TMC6: variants seen among roughly 807,000 people sequenced by gnomAD.
The protein encoded by TMC6 is transmembrane channel like 6.
In TMC6, 71 loss-of-function variants were observed where a neutral mutation model predicts 95.4. That is an observed-to-expected ratio of 0.74 (90% confidence interval 0.61 to 0.91). The LOEUF (loss-of-function observed/expected upper bound fraction) is 0.91. Ranked by LOEUF, TMC6 falls within the 40% of genes least tolerant of loss-of-function variation. TMC6 has a pLI of 0.00. For missense variants in TMC6, 1,074 were observed against 1,079.1 expected (o/e 1.00, Z 0.07); for synonymous variants, 514 against 483.1 (o/e 1.06, Z -0.84).
chr17:78,125,776 C>A lies in TMC6; in HGVS notation c.380G>T (p.Ser127Ile). ...CAGCTCCAGGTCGTACAGGCGGAGG[C>A]TGGGCCAGGCGGAGCGGACAAAGTT... is the stretch of plus-strand genomic sequence containing the variant. ...LGNFVRSAWPSLRLYDLELDP... is the reference protein window; with the variant it reads ...LGNFVRSAWPILRLYDLELDP... The change falls in exon 5 of 20, where the codon AGC becomes ATC. Residue 127 changes from serine (S) to isoleucine (I), a missense_variant. Physicochemically the swap from Ser to Ile is moderately radical, Grantham distance 142. Coordinates refer to ENST00000590602, the MANE Select transcript of TMC6 (RefSeq NM_001127198.5). 6.4e-7 allele frequency: 1 copy of A among 1,565,636 alleles called. No individual in the cohort carries two copies. Among genetic ancestry groups the A allele is most frequent in the Admixed American group, 1.9e-5 (1 of 53,542 alleles).
rs773214698 is a variant in TMC6 at position 78,117,357 on chromosome 17, A to G, written c.2199-10T>C. ...GAGGTAGATCACGGCCCTGCGGGAG[A>G]GGGGCTGTCGGGCAGGGCCCAGGGC... is the stretch of plus-strand genomic sequence containing the variant. On this transcript the variant is annotated splice_polypyrimidine_tract_variant and intron_variant, in intron 17 of 19. Transcript: ENST00000590602. The G allele has an allele frequency of 6.2e-7, 1 of 1,613,054 alleles. No homozygotes were observed. The highest frequency in any genetic ancestry group is 2.2e-5 in the East Asian group (1 of 44,856).
chr17:78,129,978 A>C (rs1176966782), upstream of TMC6, among the ~76,000 whole-genome samples: 1 of 152,186 alleles, frequency 6.6e-6, no homozygotes, highest in Non-Finnish European at 1.5e-5. This position sits in a 1 kb window ranked among gnomAD's most constrained non-coding sequence, Gnocchi z 4.3. Flanking sequence ...GGACTCTGGA[A>C]ACCAGGAAGG....
At position 78,122,671 on chromosome 17, in the gene TMC6, C is replaced by T; in HGVS notation, c.1161G>A (p.Trp387Ter). The T allele has an allele frequency of 6.2e-7, 1 of 1,612,102 alleles. No homozygotes were observed. Among genetic ancestry groups the T allele is most frequent in the Non-Finnish European group, 8.5e-7 (1 of 1,179,688 alleles). ...GIHAITVFCS[W>*]DYKVTQKRAS... ...CCCGCTTCTGCGTCACCTTGTAGTC[C>T]CAGGAGCAGAAGACGGTGATGGCGT... The change falls in exon 10 of 20, where the codon TGG (tryptophan) becomes TGA (stop). Residue 387 changes from tryptophan (W) to a stop codon, truncating the protein, a stop_gained. Coordinates refer to ENST00000590602, the MANE Select transcript of TMC6 (RefSeq NM_001127198.5). LOFTEE classifies it high-confidence loss of function. This position sits in a 1 kb window ranked among gnomAD's most constrained non-coding sequence, Gnocchi z 4.9.
rs2073734114 is a variant in TMC6, at chr17:78,108,027, C to T, written c.*5121G>A. ...GCACAGCTAGAAATTGAGTCCCTTC[C>T]TAGGACACTGGCCGTGGCCTTCAGG... is the stretch of plus-strand genomic sequence containing the variant. On this transcript the variant is annotated 3_prime_UTR_variant, in exon 20 of 20. Transcript: ENST00000590602. The T allele has an allele frequency of 6.6e-6, 1 of 152,228 alleles. No individual in the cohort carries two copies. The highest frequency in any genetic ancestry group is 1.5e-5 in the Non-Finnish European group (1 of 68,038). The allele number at this position is 152,228 out of a possible 1,614,324, so 9.4% of individuals were successfully genotyped here. A position where few individuals can be genotyped will look rare whatever the true frequency, so the allele number is the denominator to read the frequency against.
rs77675894 is a variant in TMC6, at chr17:78,108,492, CTG to C, written c.*4654_*4655del. The C allele has an allele frequency of 0.1, 16,102 of 154,896 alleles. 968 individuals carry two copies. Among genetic ancestry groups the C allele is most frequent in the African/African-American group, 0.15 (6,176 of 41,592 alleles). The allele number at this position is 154,896 out of a possible 1,614,324, so 9.6% of individuals were successfully genotyped here. A position where few individuals can be genotyped will look rare whatever the true frequency, so the allele number is the denominator to read the frequency against. On this transcript the variant is annotated 3_prime_UTR_variant, in exon 20 of 20. Transcript: ENST00000590602. ...CCTGAGTTACTACTACAGGGGCAAACTGTACCCGTGCCTGTGCGCTGGGAGAA... is the reference window on the plus strand; with the variant it reads ...CCTGAGTTACTACTACAGGGGCAAACTACCCGTGCCTGTGCGCTGGGAGAA...
intron 15 of TMC6, chr17:78,118,239 AG>A: frequency 2.0e-6 from 1 of 491,600 alleles, no homozygotes; most frequent in Non-Finnish European, 3.7e-6. Context: ...TGCAGGGATG[AG>A]GAAACAAAAG....
Position 78,117,862 on chromosome 17 carries a change from G to C in TMC6, c.1961C>G (p.Thr654Arg), listed in dbSNP as rs549556408. Residue 654 changes from threonine (T) to arginine (R), a missense_variant, in exon 16 of 20, where the codon ACG becomes AGG. Transcript: ENST00000590602. ...CAGGAAGGCGGGGAAGCAGAGCAGC[G>C]TGAGGAAGACGGTGCTCATGTGTGA... ...LASHMSTVFL[T>R]LLCFPAFLGA... The C allele has an allele frequency of 4.4e-6, 7 of 1,608,050 alleles. No individual in the cohort carries two copies. In the South Asian group the frequency reaches 7.8e-5, roughly 18 times the overall value.
intron 18 of TMC6, among the ~76,000 whole-genome samples, 155 bp downstream of exon 18, chr17:78,117,114 C>A (rs1281682219): frequency 6.6e-6 from 1 of 152,208 alleles, no homozygotes; most frequent in Non-Finnish European, 1.5e-5. Flanking sequence ...GTCACTTGAT[C>A]TGAAGTGCAC....
rs2074436616 is a variant in TMC6 at position 78,121,965 on chromosome 17, C to T, written c.1228-254G>A. Reference sequence around the variant, plus strand: ...GTTCACTCCCGAGGCCTGCCTCAACCCCTCTCCACCCACCTCCCCAGCCCT... The same window carrying T: ...GTTCACTCCCGAGGCCTGCCTCAACTCCTCTCCACCCACCTCCCCAGCCCT... On this transcript the variant is annotated intron_variant, in intron 10 of 19. Transcript: ENST00000590602. The surrounding 1 kb of genome is among the most constrained non-coding windows in gnomAD (Gnocchi z 5.6). Among the ~76,000 whole-genome samples the T allele has an allele frequency of 6.6e-6, 1 of 152,112 alleles. No individual in the cohort carries two copies.
In TMC6 at chr17:78,108,758, G is replaced by A. The variant is rs899482242; in HGVS notation, c.*4390C>T. The A allele has an allele frequency of 2.0e-5, 3 of 152,966 alleles. No individual in the cohort carries two copies. The highest frequency in any genetic ancestry group is 2.9e-5 in the Non-Finnish European group (2 of 68,128). The allele number at this position is 152,966 out of a possible 1,614,324, so 9.5% of individuals were successfully genotyped here. On this transcript the variant is annotated 3_prime_UTR_variant, in exon 20 of 20. Coordinates refer to ENST00000590602, the MANE Select transcript of TMC6 (RefSeq NM_001127198.5). ...AAAAAGAGGCTTGAGGAAGACAACA[G>A]GTTCTTCACCTGCATCTGTGGATAT... is the stretch of plus-strand genomic sequence containing the variant.
At chr17:78,130,443 G>T (rs915298395), upstream of TMC6, among the ~76,000 whole-genome samples, 2 of 152,238 alleles carry the variant, frequency 1.3e-5, no homozygotes, top group Non-Finnish European at 2.9e-5. Context: ...GCTGGAAGGA[G>T]TTGAACAGAG....
At chr17:78,123,537 A>ATGAATGGGTGGATGGGTGGGTGGATGGG in intron 9 of TMC6, among the ~76,000 whole-genome samples, 1 of 141,912 alleles carries the variant, frequency 7.0e-6, no homozygotes, top group South Asian at 2.4e-4. Context: ...GGGTAGATGG[A>ATGAATGGGTGGATGGGTGGGTGGATGGG]TGAATGGGTG....
chr17:78,114,965 C>A (rs2073984934), intron 18 of TMC6, among the ~76,000 whole-genome samples: 1 of 152,270 alleles, frequency 6.6e-6, no homozygotes, highest in African/African-American at 2.4e-5. Context: ...CCCGCCCGGA[C>A]CCACCTGGCC....
chr17:78,121,560 A>C lies in TMC6; in HGVS notation c.1379T>G (p.Ile460Ser), dbSNP rs1342192201. 2 of 1,611,134 alleles carry C rather than the reference A, an allele frequency of 1.2e-6. No individual in the cohort carries two copies. Among genetic ancestry groups the C allele is most frequent in the Non-Finnish European group, 1.7e-6 (2 of 1,179,702 alleles). Residue 460 changes from isoleucine (I) to serine (S), a missense_variant, in exon 11 of 20, where the codon ATC becomes AGC. Transcript: ENST00000590602. The surrounding 1 kb of genome is among the most constrained non-coding windows in gnomAD (Gnocchi z 5.6). ...VAVHVFSEFM[I>S]QSPEAAGQEA... Reference sequence around the variant, plus strand: ...AGGCTCCCCCCATCCCCGCACCTGGATCATGAACTCCGAGAAGACGTGGAC... The same window carrying C: ...AGGCTCCCCCCATCCCCGCACCTGGCTCATGAACTCCGAGAAGACGTGGAC...
upstream of TMC6, chr17:78,130,928 G>A (rs114097906): frequency 3.8e-3 from 602 of 159,770 alleles, 5 homozygotes; most frequent in African/African-American, 0.013. Flanking sequence ...TGCAAGGGTA[G>A]CAGTGGGTCC....
upstream of TMC6, chr17:78,131,356 G>A (rs2074959263): frequency 3.2e-6 from 2 of 618,578 alleles, no homozygotes; most frequent in African/African-American, 1.9e-5. Flanking sequence ...GACCGCAGCA[G>A]GATTCTCTCT....
intron 15 of TMC6, among the ~76,000 whole-genome samples, chr17:78,118,457 G>A (rs1020760879): frequency 2.0e-5 from 3 of 152,186 alleles, no homozygotes; most frequent in African/African-American, 7.2e-5. Context: ...TCGGGAGGCT[G>A]AGGCAGGAGA....
chr17:78,126,074 T>A (rs2074696253), intron 4 of TMC6, 190 bp from the exon 5 acceptor site: 1 of 1,125,070 alleles, frequency 8.9e-7, no homozygotes, highest in Admixed American at 2.4e-5. Flanking sequence ...GAGTCATTTT[T>A]GGAGCCCAGC....
In TMC6 at chr17:78,121,316, AAGC is replaced by A; in HGVS notation, c.1384-155_1384-153del. The A allele has an allele frequency of 7.3e-7, 1 of 1,372,282 alleles. No homozygotes were observed. The allele number at this position is 1,372,282 out of a possible 1,614,324, so 85.0% of individuals were successfully genotyped here. A position where few individuals can be genotyped will look rare whatever the true frequency, so the allele number is the denominator to read the frequency against. On this transcript the variant is annotated intron_variant, in intron 11 of 19. Coordinates refer to ENST00000590602, the MANE Select transcript of TMC6 (RefSeq NM_001127198.5). This position sits in a 1 kb window ranked among gnomAD's most constrained non-coding sequence, Gnocchi z 5.6. ...AGGCCTCAAGTTCAAACCACACAGGAAGCAGGGAGGGGTACAAGTAGTGGAAAA... is the reference window on the plus strand; with the variant it reads ...AGGCCTCAAGTTCAAACCACACAGGAAGGGAGGGGTACAAGTAGTGGAAAA...
Sources: allele counts gnomAD v4.1 joint callset (sites outside exome capture counted in the v4.1 genomes callset), GRCh38; gene constraint gnomAD v4.1.1; non-coding constraint Gnocchi (gnomAD v3.1); transcripts MANE v1.5; gene names NCBI Gene and HGNC (gene_info 2026-07-23, HGNC 2026-07-21).